The following BMPR1B variants were observed in gnomAD, a reference collection of about 807,000 sequenced individuals.
BMPR1B encodes the protein bone morphogenetic protein receptor type-1B.
BMPR1B carries 12 observed loss-of-function variants against 59.1 expected under a neutral mutation model. The ratio of observed to expected loss-of-function variants is 0.20; its 90% confidence interval spans 0.13 to 0.33. BMPR1B has a LOEUF of 0.33. Among genes scored for constraint, BMPR1B ranks in the 10% least tolerant of loss-of-function variants. The pLI is 1.00. For missense variants in BMPR1B, 550 were observed against 610.9 expected (o/e 0.90, Z 1.05); for synonymous variants, 237 against 207.3 (o/e 1.14, Z -1.23).
intron 1 of BMPR1B, among the ~76,000 whole-genome samples, chr4:94,818,517 A>G (rs887595516): frequency 6.6e-6 from 1 of 152,182 alleles, no homozygotes; most frequent in Non-Finnish European, 1.5e-5. Context: ...AGCTCCTACT[A>G]TGTGCCAGAG....
chr4:95,049,808 T>G (rs1726337649), intron 3 of BMPR1B, among the ~76,000 whole-genome samples: 2 of 151,956 alleles, frequency 1.3e-5, no homozygotes, highest in South Asian at 4.1e-4. Flanking sequence ...TTACATTTTT[T>G]CTTAATTATT....
intron 1 of BMPR1B, among the ~76,000 whole-genome samples, chr4:94,821,610 T>C (rs963254803): frequency 6.6e-6 from 1 of 152,278 alleles, no homozygotes; most frequent in South Asian, 2.1e-4. Flanking sequence ...ACATAAAACA[T>C]TGAATTAAAT....
chr4:94,908,035 T>C (rs969271060), intron 2 of BMPR1B, among the ~76,000 whole-genome samples: 3 of 114,070 alleles, frequency 2.6e-5, no homozygotes, highest in Non-Finnish European at 4.9e-5. Flanking sequence ...CCCTCCAACA[T>C]GGGCAATGCA....
At chr4:94,957,071 G>C (rs75791177) in intron 2 of BMPR1B, among the ~76,000 whole-genome samples, 1 of 152,180 alleles carries the variant, frequency 6.6e-6, no homozygotes, top group Non-Finnish European at 1.5e-5. Context: ...CAAAATAACA[G>C]ATAATCAATA....
At chr4:94,948,096 A>G (rs1167090833) in intron 2 of BMPR1B, among the ~76,000 whole-genome samples, 1 of 152,214 alleles carries the variant, frequency 6.6e-6, no homozygotes, top group Non-Finnish European at 1.5e-5. Flanking sequence ...GGGTGGAGAC[A>G]AGATATTCAC....
chr4:94,768,736 A>G (rs1560806966), intron 1 of BMPR1B, among the ~76,000 whole-genome samples: 1 of 152,276 alleles, frequency 6.6e-6, no homozygotes, highest in East Asian at 1.9e-4. Flanking sequence ...GTAATATTAT[A>G]AACTAATAAG....
intron 3 of BMPR1B, among the ~76,000 whole-genome samples, chr4:95,006,677 G>T (rs777568000): frequency 8.6e-5 from 13 of 151,636 alleles, no homozygotes; most frequent in Non-Finnish European, 1.6e-4. Flanking sequence ...CAGTAGCTGG[G>T]ATTACAGGCG....
intron 4 of BMPR1B, 69 bp downstream of exon 4, chr4:95,104,636 G>A (rs1183716923): frequency 3.2e-6 from 5 of 1,579,346 alleles, no homozygotes; most frequent in African/African-American, 2.7e-5. Flanking sequence ...TGCAACTGTA[G>A]GCTAGTGTTT....
At chr4:94,843,833 G>A (rs1270533291) in intron 1 of BMPR1B, among the ~76,000 whole-genome samples, 1 of 152,076 alleles carries the variant, frequency 6.6e-6, no homozygotes, top group Non-Finnish European at 1.5e-5. Context: ...TTGATTTTGG[G>A]TACTCACCTC....
chr4:94,867,853 TC>T (rs1451672380), intron 1 of BMPR1B, among the ~76,000 whole-genome samples: 37 of 152,148 alleles, frequency 2.4e-4, no homozygotes, highest in Non-Finnish European at 7.4e-5. Flanking sequence ...GATCACCGTT[TC>T]TTTTTTTTTG....
At chr4:94,912,838 G>C (rs1311722752) in intron 2 of BMPR1B, among the ~76,000 whole-genome samples, 1 of 152,108 alleles carries the variant, frequency 6.6e-6, no homozygotes, top group Non-Finnish European at 1.5e-5. Context: ...ATCTCTTCCT[G>C]TGTAGATACA....
At chr4:94,850,782 C>T (rs577522480) in intron 1 of BMPR1B, among the ~76,000 whole-genome samples, 5 of 152,170 alleles carry the variant, frequency 3.3e-5, no homozygotes, top group African/African-American at 9.6e-5. Context: ...CCATTTTCTT[C>T]GAAACTTACT....
At chr4:94,907,475 G>A (rs761578464) in intron 2 of BMPR1B, among the ~76,000 whole-genome samples, 21 of 152,044 alleles carry the variant, frequency 1.4e-4, no homozygotes, top group Non-Finnish European at 2.4e-4. Flanking sequence ...AGCAAATAAG[G>A]TAATGCCTGT....
chr4:95,016,868 C>T (rs1578933432), intron 3 of BMPR1B, among the ~76,000 whole-genome samples: 1 of 152,086 alleles, frequency 6.6e-6, no homozygotes, highest in South Asian at 2.1e-4. Flanking sequence ...CAGTTTATAC[C>T]AAGTAACTGT....
chr4:95,093,642 G>A (rs1190232169), intron 3 of BMPR1B, among the ~76,000 whole-genome samples: 1 of 151,944 alleles, frequency 6.6e-6, no homozygotes, highest in East Asian at 1.9e-4. Flanking sequence ...AAATGTTTGA[G>A]TGATTGAAGC....
Position 94,982,411 on chromosome 4 carries a change from A to G in BMPR1B, c.-112-13629A>G, listed in dbSNP as rs983266875. On this transcript the variant is annotated intron_variant, in intron 2 of 12. Coordinates refer to ENST00000515059, the MANE Select transcript of BMPR1B (RefSeq NM_001203.3). ...TTTATCTTCCAAAGGCTGCTTATGT[A>G]ATTAGACTAAAATTTAAATTTCTTA... 2.6e-5 allele frequency among the ~76,000 whole-genome samples: 4 copies of G among 152,154 alleles called. No homozygotes were observed. In the South Asian group the frequency reaches 8.3e-4, roughly 32 times the overall value.
At chr4:94,874,001 A>G (rs576769896) in intron 1 of BMPR1B, among the ~76,000 whole-genome samples, 1 of 152,258 alleles carries the variant, frequency 6.6e-6, no homozygotes, top group Admixed American at 6.5e-5. Context: ...TAGATACCTC[A>G]TGTAAGTTGA....
At chr4:94,802,501 TGTG>T (rs999507893) in intron 1 of BMPR1B, among the ~76,000 whole-genome samples, 1 of 152,152 alleles carries the variant, frequency 6.6e-6, no homozygotes, top group African/African-American at 2.4e-5. Context: ...GAGAAGGCGT[TGTG>T]GTGAATGTGG....
intron 8 of BMPR1B, 132 bp from the exon 9 acceptor site, chr4:95,129,730 G>C: frequency 1.3e-6 from 1 of 790,192 alleles, no homozygotes; most frequent in Non-Finnish European, 2.0e-6. Context: ...ATACAAATAA[G>C]TTGTCTATAT....
Sources: allele counts gnomAD v4.1 joint callset (sites outside exome capture counted in the v4.1 genomes callset), GRCh38; gene constraint gnomAD v4.1.1; transcripts MANE v1.5; gene names NCBI Gene and HGNC (gene_info 2026-07-23, HGNC 2026-07-21).